Variants in COL22A1 observed in about 807,000 individuals in gnomAD.
COL22A1 encodes collagen alpha-1(XXII) chain.
A neutral mutation model predicts 248.9 loss-of-function variants in COL22A1; 221 were observed. That is an observed-to-expected ratio of 0.89 (90% CI 0.80 to 0.99). The LOEUF is 0.99. Ranked by LOEUF, COL22A1 falls within the 50% of genes least tolerant of loss-of-function variation. COL22A1 has a pLI of 0.00. For synonymous variants in COL22A1, 891 were observed against 793.4 expected (o/e 1.12, Z -2.07); for missense variants, 2,240 against 2,179.0 (o/e 1.03, Z -0.56).
At chr8:138,836,592 G>A (rs1255996724) in intron 4 of COL22A1, among the ~76,000 whole-genome samples, 2 of 152,166 alleles carry the variant, frequency 1.3e-5, no homozygotes, top group African/African-American at 4.8e-5. Flanking sequence ...CATGCGGCAT[G>A]GACAGGTGGG....
At chr8:138,659,369 T>A (rs930875127) in intron 44 of COL22A1, among the ~76,000 whole-genome samples, 1 of 152,158 alleles carries the variant, frequency 6.6e-6, no homozygotes, top group Admixed American at 6.5e-5. Context: ...CCTTGGGTCC[T>A]TGCCTGGAAT....
intron 60 of COL22A1, 137 bp downstream of exon 60, chr8:138,601,978 G>A: frequency 2.4e-6 from 2 of 836,922 alleles, no homozygotes; most frequent in Non-Finnish European, 3.9e-6. Flanking sequence ...AGGAAAAAGT[G>A]AACAAAATCA....
intron 57 of COL22A1, 47 bp from the exon 58 acceptor site, chr8:138,606,499 C>T: frequency 6.3e-7 from 1 of 1,580,826 alleles, no homozygotes; most frequent in African/African-American, 1.3e-5. Flanking sequence ...CACGTACCAA[C>T]TCAAGCAGAT....
intron 15 of COL22A1, among the ~76,000 whole-genome samples, chr8:138,777,739 G>A (rs2131507651): frequency 6.6e-6 from 1 of 152,300 alleles, no homozygotes; most frequent in South Asian, 2.1e-4. Context: ...TGGTACATAT[G>A]TGCTGCATTT....
intron 44 of COL22A1, among the ~76,000 whole-genome samples, chr8:138,658,902 T>TCC (rs1823541505): frequency 6.6e-6 from 1 of 152,084 alleles, no homozygotes; most frequent in African/African-American, 2.4e-5. Context: ...TCTCTCCCTC[T>TCC]CTCTCTCTCC....
intron 1 of COL22A1, among the ~76,000 whole-genome samples, chr8:138,884,242 C>T (rs1824469775): frequency 6.6e-6 from 1 of 152,222 alleles, no homozygotes; most frequent in South Asian, 2.1e-4. Flanking sequence ...CTGAGCTCCT[C>T]AGCAGGGGGC....
intron 30 of COL22A1, among the ~76,000 whole-genome samples, chr8:138,713,896 C>T (rs543958497): frequency 6.6e-6 from 1 of 152,294 alleles, no homozygotes; most frequent in South Asian, 2.1e-4. Context: ...GCTGGCTTGG[C>T]TCCTGAGTGG....
intron 35 of COL22A1, among the ~76,000 whole-genome samples, chr8:138,692,376 A>G (rs72729628): frequency 0.52 from 72,897 of 139,208 alleles, 18,553 homozygotes; most frequent in African/African-American, 0.64. Flanking sequence ...GTTTGTGGAC[A>G]TGTGTATTGT....
intron 1 of COL22A1, among the ~76,000 whole-genome samples, chr8:138,910,151 C>A (rs1429657844): frequency 3.3e-5 from 5 of 152,180 alleles, no homozygotes; most frequent in African/African-American, 4.8e-5. Context: ...ATGATTCATT[C>A]ATTCAATTAT....
intron 16 of COL22A1, among the ~76,000 whole-genome samples, chr8:138,775,129 G>A (rs374132809): frequency 1.8e-4 from 28 of 152,366 alleles, no homozygotes; most frequent in African/African-American, 5.5e-4. Flanking sequence ...GCAGACCCCA[G>A]CAAAGCATCT....
At chr8:138,622,920 G>A (rs1819923048) in intron 52 of COL22A1, among the ~76,000 whole-genome samples, 1 of 151,934 alleles carries the variant, frequency 6.6e-6, no homozygotes, top group Admixed American at 6.6e-5. Flanking sequence ...CCTCCATCTT[G>A]CCCTTGGTGT....
intron 17 of COL22A1, among the ~76,000 whole-genome samples, chr8:138,761,892 A>T (rs1280872659): frequency 6.6e-6 from 1 of 152,152 alleles, no homozygotes; most frequent in South Asian, 2.1e-4. Flanking sequence ...AAGTCACCAG[A>T]TGCATTTTCC....
chr8:138,631,611 C>T (rs1485338088), intron 49 of COL22A1, among the ~76,000 whole-genome samples: 1 of 152,166 alleles, frequency 6.6e-6, no homozygotes, highest in African/African-American at 2.4e-5. Context: ...GCAAGCAGCT[C>T]AAAGTGAGCT....
At chr8:138,897,425 T>C (rs561013358) in intron 1 of COL22A1, among the ~76,000 whole-genome samples, 2 of 152,102 alleles carry the variant, frequency 1.3e-5, no homozygotes, top group South Asian at 2.1e-4. Flanking sequence ...GGCACATGCC[T>C]GTAATCACAG....
At chr8:138,644,500 C>A (rs1237398119) in intron 47 of COL22A1, among the ~76,000 whole-genome samples, 2 of 151,810 alleles carry the variant, frequency 1.3e-5, no homozygotes, top group Non-Finnish European at 2.9e-5. Flanking sequence ...CCCTCTTGGC[C>A]AAGGAGACCC....
chr8:138,710,427 A>G (rs1828850136), intron 30 of COL22A1, among the ~76,000 whole-genome samples: 1 of 152,238 alleles, frequency 6.6e-6, no homozygotes, highest in South Asian at 2.1e-4. Context: ...TAGTTGGCTT[A>G]GAGAGAGACA....
intron 16 of COL22A1, among the ~76,000 whole-genome samples, chr8:138,768,639 G>C (rs1300009378): frequency 1.3e-5 from 2 of 152,178 alleles, no homozygotes; most frequent in South Asian, 2.1e-4. Flanking sequence ...ACCACCCACA[G>C]TAAAGAACGC....
chr8:138,865,983 G>A (rs931058719), intron 3 of COL22A1, among the ~76,000 whole-genome samples: 5 of 152,074 alleles, frequency 3.3e-5, no homozygotes, highest in African/African-American at 1.2e-4. Context: ...GTGTGTGTGT[G>A]TTTGTATGCC....
chr8:138,630,776 T>G (rs763229083), intron 49 of COL22A1, 28 bp from the exon 50 acceptor site: 1 of 1,607,860 alleles, frequency 6.2e-7, no homozygotes, highest in Non-Finnish European at 8.5e-7. Flanking sequence ...GAAAGCTAGT[T>G]TCTTGTGCAT....
Sources: gnomAD v4.1 joint callset for allele counts (sites outside exome capture counted in the v4.1 genomes callset) on GRCh38, gnomAD v4.1.1 for gene constraint, MANE v1.5 for transcripts, NCBI Gene and HGNC (gene_info 2026-07-23, HGNC 2026-07-21) for gene names.